Variants in RAB3GAP2 observed in about 807,000 individuals in gnomAD.
RAB3GAP2 encodes the protein rab3 GTPase-activating protein non-catalytic subunit.
In RAB3GAP2, 87 loss-of-function variants were observed where a neutral mutation model predicts 185.3. That is an observed-to-expected ratio of 0.47 (90% CI 0.39 to 0.56). The LOEUF is 0.56. Among genes scored for constraint, RAB3GAP2 ranks in the 20% least tolerant of loss-of-function variants. RAB3GAP2 has a pLI of 0.00. For synonymous variants in RAB3GAP2, 554 were observed against 576.1 expected, an observed-to-expected ratio of 0.96 and a Z score of 0.55; for missense variants, 1,492 against 1,638.2, an observed-to-expected ratio of 0.91 and a Z score of 1.54.
chr1:220,210,291 G>C (rs184874456), intron 7 of RAB3GAP2, 97 bp downstream of exon 7: 9 of 899,104 alleles, frequency 1.0e-5, no homozygotes, highest in Non-Finnish European at 1.7e-5. Flanking sequence ...TGTGCCACAA[G>C]ACAAAGATCT....
intron 1 of RAB3GAP2, among the ~76,000 whole-genome samples, chr1:220,247,057 TACC>T (rs1302283734): frequency 6.6e-6 from 1 of 151,914 alleles, no homozygotes; most frequent in Non-Finnish European, 1.5e-5. Flanking sequence ...CACAAAAAAA[TACC>T]ACCTCACTAC....
intron 2 of RAB3GAP2, among the ~76,000 whole-genome samples, chr1:220,230,992 T>C (rs1011993223): frequency 6.6e-6 from 1 of 152,190 alleles, no homozygotes; most frequent in Non-Finnish European, 1.5e-5. Context: ...ATCTCTCAAC[T>C]AAGCTACTGC....
At position 220,157,275 on chromosome 1, in the gene RAB3GAP2, T is replaced by C; in HGVS notation, c.3550A>G (p.Ser1184Gly). 1 of 1,613,062 alleles carries C rather than the reference T, an allele frequency of 6.2e-7. No individual in the cohort carries two copies. The highest frequency in any genetic ancestry group is 8.5e-7 in the Non-Finnish European group (1 of 1,179,130). The change falls in exon 31 of 35, where the codon AGT becomes GGT. Residue 1184 changes from serine (S) to glycine (G), a missense_variant. By Grantham distance (56) the Ser-to-Gly change is moderately conservative (BLOSUM62 0). Transcript: ENST00000358951. ...AAATCCTGTGAGGTACTTACCTTAC[T>C]GTCAAAAAGTGAAAGTGGCTTCACG... ...KTVKPLSLFD[S>G]KGKNAFFKDL... is the part of the protein sequence containing the mutation.
chr1:220,168,746 C>A (rs115194366), intron 24 of RAB3GAP2, among the ~76,000 whole-genome samples: 142 of 152,272 alleles, frequency 9.3e-4, no homozygotes, highest in African/African-American at 3.3e-3. Flanking sequence ...TATTTATGGG[C>A]CTAATTTAGC....
chr1:220,173,412 T>A (rs1030820455), intron 21 of RAB3GAP2, among the ~76,000 whole-genome samples: 1 of 152,224 alleles, frequency 6.6e-6, no homozygotes, highest in Admixed American at 6.5e-5. Flanking sequence ...AGTACTGGTA[T>A]CTCTGAAAGG....
intron 1 of RAB3GAP2, among the ~76,000 whole-genome samples, chr1:220,237,128 C>T (rs1659608446): frequency 6.6e-6 from 1 of 152,130 alleles, no homozygotes; most frequent in African/African-American, 2.4e-5. Context: ...ATCAATTTAA[C>T]AAAAGGTATC....
At chr1:220,218,271 C>T (rs966637512) in intron 2 of RAB3GAP2, among the ~76,000 whole-genome samples, 2 of 152,074 alleles carry the variant, frequency 1.3e-5, no homozygotes, top group African/African-American at 2.4e-5. Context: ...TTCTCTGTTA[C>T]TGTGGTACTA....
chr1:220,167,277 G>T lies in RAB3GAP2; in HGVS notation c.3087+16C>A. ...CAGAAGCAGAAATAACATGAAAGAG[G>T]TAACGAGAATCTTACCTCTGGATCT... On this transcript the variant is annotated intron_variant, in intron 26 of 34. Coordinates refer to ENST00000358951, the MANE Select transcript of RAB3GAP2 (RefSeq NM_012414.4). 1 of 1,596,548 alleles carries T rather than the reference G, an allele frequency of 6.3e-7. No homozygotes were observed. The highest frequency in any genetic ancestry group is 8.6e-7 in the Non-Finnish European group (1 of 1,164,110).
At chr1:220,240,987 T>C (rs1306700148) in intron 1 of RAB3GAP2, among the ~76,000 whole-genome samples, 2 of 152,114 alleles carry the variant, frequency 1.3e-5, no homozygotes, top group Non-Finnish European at 2.9e-5. Flanking sequence ...AAACCTGTTA[T>C]GTCTCTCATT....
intron 21 of RAB3GAP2, among the ~76,000 whole-genome samples, chr1:220,174,870 C>T (rs1658258201): frequency 1.3e-5 from 2 of 152,140 alleles, no homozygotes. Context: ...ACCCAATATC[C>T]TGTTTAACCA....
intron 1 of RAB3GAP2, chr1:220,266,627 A>G: frequency 7.9e-7 from 1 of 1,272,780 alleles, no homozygotes; most frequent in Non-Finnish European, 1.1e-6. Context: ...AGTCAATGGT[A>G]AAATAAATTT....
intron 21 of RAB3GAP2, among the ~76,000 whole-genome samples, chr1:220,173,881 G>A (rs1489840454): frequency 6.6e-6 from 1 of 151,796 alleles, no homozygotes; most frequent in Non-Finnish European, 1.5e-5. Flanking sequence ...TTAGCTGGGC[G>A]GGGTGGCAGG....
intron 1 of RAB3GAP2, among the ~76,000 whole-genome samples, chr1:220,256,278 A>T (rs1660030695): frequency 6.6e-6 from 1 of 152,198 alleles, no homozygotes; most frequent in Non-Finnish European, 1.5e-5. Context: ...AAAATAAAAA[A>T]CCATTACCAA....
intron 1 of RAB3GAP2, among the ~76,000 whole-genome samples, chr1:220,234,771 GA>G (rs1056813894): frequency 6.6e-6 from 1 of 151,944 alleles, no homozygotes; most frequent in African/African-American, 2.4e-5. Flanking sequence ...AAGAGATGGG[GA>G]AAAAAATACA....
At position 220,241,804 on chromosome 1, in the gene RAB3GAP2, T is replaced by G. The variant is rs570327438; in HGVS notation, c.116-8941A>C. Among the ~76,000 whole-genome samples the G allele has an allele frequency of 8.3e-4, 126 of 152,092 alleles. 1 individual carries two copies. The Middle Eastern group carries it at 0.01, about 12-fold the overall frequency. Reference sequence around the variant, plus strand: ...TTACCAAAGGGTTATATTACAAACATTAAAAATGTACATGTCTATTATAAT... The same window carrying G: ...TTACCAAAGGGTTATATTACAAACAGTAAAAATGTACATGTCTATTATAAT... On this transcript the variant is annotated intron_variant, in intron 1 of 34. Coordinates refer to ENST00000358951, the MANE Select transcript of RAB3GAP2 (RefSeq NM_012414.4).
intron 2 of RAB3GAP2, among the ~76,000 whole-genome samples, chr1:220,223,723 A>G (rs1469717964): frequency 5.3e-5 from 8 of 152,058 alleles, no homozygotes; most frequent in East Asian, 1.9e-4. Flanking sequence ...CACACAGCCA[A>G]TGATAATAAG....
intron 18 of RAB3GAP2, among the ~76,000 whole-genome samples, 181 bp from the exon 19 acceptor site, chr1:220,184,344 T>C (rs1658471136): frequency 1.3e-5 from 2 of 152,076 alleles, no homozygotes; most frequent in South Asian, 4.1e-4. Context: ...CATGACAAAA[T>C]GTCTAACTTT....
At chr1:220,159,491 AAT>A in intron 28 of RAB3GAP2, 70 bp from the exon 29 acceptor site, 2 of 1,170,800 alleles carry the variant, frequency 1.7e-6, no homozygotes, top group South Asian at 2.7e-5. Flanking sequence ...TGGCACAAAT[AAT>A]AAAAAGTAAC....
intron 2 of RAB3GAP2, among the ~76,000 whole-genome samples, chr1:220,232,533 T>A: frequency 6.6e-6 from 1 of 152,230 alleles, no homozygotes; most frequent in East Asian, 1.9e-4. Flanking sequence ...CATCCAGAAC[T>A]GTGAGCCAAT....
Sources: allele counts gnomAD v4.1 joint callset (sites outside exome capture counted in the v4.1 genomes callset), GRCh38; gene constraint gnomAD v4.1.1; transcripts MANE v1.5; gene names NCBI Gene and HGNC (gene_info 2026-07-23, HGNC 2026-07-21).